The following PLXDC2 variants were observed in gnomAD, a reference collection of about 807,000 sequenced individuals.
PLXDC2 encodes the protein plexin domain-containing protein 2.
In PLXDC2, 40 loss-of-function variants were observed where a neutral mutation model predicts 68.9. The ratio of observed to expected loss-of-function variants is 0.58; its 90% CI spans 0.45 to 0.76. The LOEUF is 0.76. Ranked by LOEUF, PLXDC2 falls within the 30% of genes least tolerant of loss-of-function variation. PLXDC2 has a pLI of 0.00. For missense variants in PLXDC2, 644 were observed against 661.9 expected (o/e 0.97, Z 0.30); for synonymous variants, 243 against 234.2 (o/e 1.04, Z -0.34).
At position 19,837,409 on chromosome 10, in the gene PLXDC2, A is replaced by AGAGAGTGT. The variant is rs1334263958; in HGVS notation, c.112+20219_112+20220insAGAGTGTG. On this transcript the variant is annotated intron_variant, in intron 1 of 13. Transcript: ENST00000377252. ...GTGAGAGAGAGAGAGAGAGAGAGAG[A>AGAGAGTGT]GTGTGTGTGTGTGTGTGTGTGTGTG... Among the ~76,000 whole-genome samples, 26 of 82,596 alleles carry AGAGAGTGT rather than the reference A, an allele frequency of 3.1e-4. No homozygotes were observed. The East Asian group carries it at 0.01, about 33-fold the overall frequency. The allele number at this position is 82,596 out of a possible 152,430, so 54.2% of individuals were successfully genotyped here.
At chr10:20,185,634 A>G (rs1049687466) in intron 9 of PLXDC2, among the ~76,000 whole-genome samples, 20 of 152,092 alleles carry the variant, frequency 1.3e-4, no homozygotes, top group African/African-American at 4.8e-4. Context: ...GGTACCTTTT[A>G]TATCCTAGAG....
intron 4 of PLXDC2, among the ~76,000 whole-genome samples, chr10:20,129,854 G>C (rs925388722): frequency 6.6e-6 from 1 of 152,010 alleles, no homozygotes; most frequent in Admixed American, 6.6e-5. Flanking sequence ...TGTCTATTCT[G>C]TTCCTTTGGT....
At chr10:20,255,199 A>G (rs1277946927) in intron 13 of PLXDC2, among the ~76,000 whole-genome samples, 3 of 140,022 alleles carry the variant, frequency 2.1e-5, no homozygotes, top group Non-Finnish European at 3.1e-5. Flanking sequence ...ATGGATAGAT[A>G]GATAGATAGA....
intron 1 of PLXDC2, among the ~76,000 whole-genome samples, chr10:19,887,643 GT>G (rs1238754920): frequency 4.6e-5 from 7 of 152,190 alleles, no homozygotes; most frequent in African/African-American, 1.7e-4. Flanking sequence ...GTGCATGCAT[GT>G]TCACAAGTGT....
At chr10:20,097,050 C>T (rs1482487525) in intron 4 of PLXDC2, among the ~76,000 whole-genome samples, 1 of 151,990 alleles carries the variant, frequency 6.6e-6, no homozygotes, top group East Asian at 1.9e-4. Context: ...AGATTGTTTT[C>T]TTATTGTGCC....
intron 1 of PLXDC2, among the ~76,000 whole-genome samples, chr10:19,973,285 TACATATATATGTATATATATATACTC>T (rs1564644087): frequency 9.0e-6 from 1 of 111,284 alleles, no homozygotes. Context: ...TGTATACACA[TACATATATATGTATATATATATACTC>T]ACATATATAT....
At chr10:19,937,760 G>A (rs1229644446) in intron 1 of PLXDC2, among the ~76,000 whole-genome samples, 1 of 151,846 alleles carries the variant, frequency 6.6e-6, no homozygotes, top group Non-Finnish European at 1.5e-5. Context: ...TCTCTGGGCA[G>A]GTTCATCTAA....
intron 9 of PLXDC2, among the ~76,000 whole-genome samples, chr10:20,193,164 A>G (rs555827252): frequency 1.3e-5 from 2 of 152,208 alleles, no homozygotes; most frequent in South Asian, 2.1e-4. Context: ...TAGAAATTCT[A>G]TGTTAGTGCA....
chr10:19,977,312 A>G (rs1372318544), intron 1 of PLXDC2, among the ~76,000 whole-genome samples: 1 of 152,222 alleles, frequency 6.6e-6, no homozygotes, highest in African/African-American at 2.4e-5. Flanking sequence ...TGTTAGATGC[A>G]GAATCTCTGG....
intron 2 of PLXDC2, among the ~76,000 whole-genome samples, chr10:20,029,507 G>C (rs1363452000): frequency 6.6e-6 from 1 of 152,012 alleles, no homozygotes; most frequent in African/African-American, 2.4e-5. Context: ...TTTCCAGCTA[G>C]TTCTTAGGAA....
chr10:20,152,043 A>T (rs1440081472), intron 6 of PLXDC2, among the ~76,000 whole-genome samples: 1 of 152,090 alleles, frequency 6.6e-6, no homozygotes. Flanking sequence ...TTTCATTTTC[A>T]ATGCCCTCAT....
rs1303546837 is a variant in PLXDC2 at position 20,143,496 on chromosome 10, A to G, written c.664+79A>G. ...ATCAGATTCATGTTAATGTTTTTGT[A>G]AACTGTTTATTTTTTGGTGTGTAAA... is the stretch of plus-strand genomic sequence containing the variant. On this transcript the variant is annotated intron_variant, in intron 5 of 13. Transcript: ENST00000377252. The G allele has an allele frequency of 1.9e-6, 3 of 1,567,648 alleles. 1 individual carries two copies. The Admixed American group carries it at 5.1e-5, about 27-fold the overall frequency.
At chr10:19,870,308 C>T (rs1030680453) in intron 1 of PLXDC2, among the ~76,000 whole-genome samples, 13 of 152,066 alleles carry the variant, frequency 8.5e-5, no homozygotes, top group Admixed American at 6.6e-4. Flanking sequence ...CTGTTCTTCA[C>T]CTCTGAATAT....
At chr10:19,904,798 T>A (rs1250970449) in intron 1 of PLXDC2, among the ~76,000 whole-genome samples, 1 of 152,230 alleles carries the variant, frequency 6.6e-6, no homozygotes, top group Admixed American at 6.5e-5. Context: ...TTAGGGTTTC[T>A]TAGCATAAGC....
intron 12 of PLXDC2, among the ~76,000 whole-genome samples, chr10:20,240,915 G>C (rs1835507103): frequency 6.6e-6 from 1 of 152,098 alleles, no homozygotes; most frequent in Admixed American, 6.6e-5. Context: ...TGCTCTGTTA[G>C]AACACATCAA....
At chr10:19,927,713 C>CAAAAAAAAAAAAAG (rs1833562007) in intron 1 of PLXDC2, among the ~76,000 whole-genome samples, 1 of 53,142 alleles carries the variant, frequency 1.9e-5, no homozygotes, top group Non-Finnish European at 3.1e-5. Context: ...GGAAAAAAAG[C>CAAAAAAAAAAAAAG]AAAAAAAAAA....
At chr10:20,115,289 C>T (rs1431731607) in intron 4 of PLXDC2, among the ~76,000 whole-genome samples, 2 of 152,194 alleles carry the variant, frequency 1.3e-5, no homozygotes, top group Non-Finnish European at 2.9e-5. Context: ...CTCATGTCAG[C>T]TTGTCCTCTT....
intron 1 of PLXDC2, among the ~76,000 whole-genome samples, chr10:19,879,794 T>G (rs1206508000): frequency 6.6e-6 from 1 of 152,130 alleles, no homozygotes. Context: ...TAGTGTAAGA[T>G]TGTGGCTGGT....
intron 12 of PLXDC2, among the ~76,000 whole-genome samples, chr10:20,245,056 G>A (rs898985052): frequency 1.3e-5 from 2 of 152,218 alleles, no homozygotes; most frequent in African/African-American, 4.8e-5. Context: ...AGAGGTTGCA[G>A]TGAGCCAAGA....
Sources: allele counts gnomAD v4.1 joint callset (sites outside exome capture counted in the v4.1 genomes callset), GRCh38; gene constraint gnomAD v4.1.1; transcripts MANE v1.5; gene names NCBI Gene and HGNC (gene_info 2026-07-23, HGNC 2026-07-21).